The following TFG variants were observed in gnomAD, a reference collection of about 807,000 sequenced individuals.
The protein encoded by TFG is protein TFG.
A neutral mutation model predicts 51.4 loss-of-function variants in TFG; 22 were observed. The ratio of observed to expected loss-of-function variants is 0.43; its 90% CI spans 0.31 to 0.61. The LOEUF (loss-of-function observed/expected upper bound fraction) is 0.61. Ranked by LOEUF, TFG falls within the 20% of genes least tolerant of loss-of-function variation. The probability of loss-of-function intolerance (pLI) is 0.12; values close to 1 mark genes in which losing one functional copy is unlikely to be tolerated. For synonymous variants in TFG, 187 were observed against 165.6 expected (o/e 1.13, Z -0.99); for missense variants, 419 against 487.7 (o/e 0.86, Z 1.33).
chr3:100,747,205 T>C (rs1267221304), intron 7 of TFG, among the ~76,000 whole-genome samples: 2 of 152,188 alleles, frequency 1.3e-5, no homozygotes, highest in Admixed American at 1.3e-4. Flanking sequence ...GGACCATCTT[T>C]GACACTGTTG....
intron 6 of TFG, among the ~76,000 whole-genome samples, chr3:100,741,225 G>A (rs993607689): frequency 2.6e-5 from 4 of 152,138 alleles, no homozygotes; most frequent in East Asian, 3.9e-4. Flanking sequence ...AAGGTATTCC[G>A]GAAGAAGGCA....
intron 3 of TFG, among the ~76,000 whole-genome samples, chr3:100,723,296 GA>G (rs1559710371): frequency 6.6e-6 from 1 of 151,886 alleles, no homozygotes; most frequent in Non-Finnish European, 1.5e-5. Context: ...AGTTATAATT[GA>G]AAAATTAGAC....
Position 100,748,319 on chromosome 3 carries a change from G to C in TFG, c.991G>C (p.Ala331Pro). 6.2e-7 allele frequency: 1 copy of C among 1,613,938 alleles called. No homozygotes were observed. Among genetic ancestry groups the C allele is most frequent in the African/African-American group, 1.3e-5 (1 of 74,962 alleles). Residue 331 changes from alanine (A) to proline (P), a missense_variant, in exon 8 of 8, where the codon GCC becomes CCC. Ala to Pro is a conservative substitution (Grantham distance 27). Around this residue, in one of 3 missense-constraint regions of TFG, gnomAD observed 391 missense variants for 434.4 expected, o/e 0.90. Coordinates refer to ENST00000240851, the MANE Select transcript of TFG (RefSeq NM_006070.6). ...ASNYPAQTYT[A>P]QTSQPTNYTV... ...CAATTATCCTGCACAAACTTACACT[G>C]CCCAAACTTCTCAGCCTACTAATTA...
intron 3 of TFG, among the ~76,000 whole-genome samples, chr3:100,728,289 A>C (rs1028552061): frequency 1.3e-4 from 20 of 151,918 alleles, no homozygotes; most frequent in African/African-American, 4.8e-4. Context: ...TATTTTAAGA[A>C]TAGCGTGAAA....
At chr3:100,738,325 G>T (rs577918435) in intron 6 of TFG, among the ~76,000 whole-genome samples, 1 of 152,206 alleles carries the variant, frequency 6.6e-6, no homozygotes, top group Non-Finnish European at 1.5e-5. Context: ...GGTATGATGA[G>T]AGTTTAATGC....
chr3:100,721,624 T>C (rs2095061010), intron 3 of TFG, among the ~76,000 whole-genome samples: 3 of 152,150 alleles, frequency 2.0e-5, no homozygotes. Flanking sequence ...AGCCCAGATG[T>C]TACCATTTTA....
chr3:100,714,325 C>T (rs2095039553), intron 2 of TFG, among the ~76,000 whole-genome samples: 1 of 152,044 alleles, frequency 6.6e-6, no homozygotes, highest in African/African-American at 2.4e-5. Flanking sequence ...CATGGCGAAA[C>T]CCTGTCTCTA....
At chr3:100,730,459 A>G (rs901528320) in intron 4 of TFG, among the ~76,000 whole-genome samples, 1 of 152,172 alleles carries the variant, frequency 6.6e-6, no homozygotes, top group Non-Finnish European at 1.5e-5. Flanking sequence ...GCCATTTTCT[A>G]GTTATTGTGT....
chr3:100,732,267 AAAT>A (rs1197926204), intron 4 of TFG, among the ~76,000 whole-genome samples: 13 of 152,272 alleles, frequency 8.5e-5, no homozygotes, highest in African/African-American at 3.1e-4. Context: ...AAAAGGAGGT[AAAT>A]AATTTTTTTG....
intron 4 of TFG, among the ~76,000 whole-genome samples, chr3:100,729,391 T>C (rs1475904869): frequency 1.3e-5 from 2 of 152,146 alleles, no homozygotes; most frequent in Non-Finnish European, 2.9e-5. Context: ...TTTTCCCCAT[T>C]GTATAATGAC....
Position 100,736,653 on chromosome 3 carries a change from C to G in TFG, c.658C>G (p.Pro220Ala). 1.2e-6 allele frequency: 2 copies of G among 1,613,960 alleles called. No individual in the cohort carries two copies. The highest frequency in any genetic ancestry group is 1.3e-5 in the African/African-American group (1 of 75,002). ...IASSSSAAHP[P>A]GVQPQQPPYT... ...TTCCTCCTCCTCAGCAGCTCACCCA[C>G]CAGGCGTTCAGCCACAGCAGCCACC... Residue 220 changes from proline to alanine, a missense_variant, in exon 6 of 8, where the codon CCA becomes GCA. Physicochemically the swap from Pro to Ala is conservative, Grantham distance 27 (BLOSUM62 -1). Transcript: ENST00000240851.
intron 3 of TFG, among the ~76,000 whole-genome samples, chr3:100,722,099 C>T (rs773141921): frequency 2.0e-5 from 3 of 152,046 alleles, no homozygotes; most frequent in South Asian, 2.1e-4. Context: ...TGCAGTGAGT[C>T]GAGATCGCGC....
At chr3:100,709,353 G>A (rs1243696263), upstream of TFG, 1 of 152,398 alleles carries the variant, frequency 6.6e-6, no homozygotes, top group East Asian at 1.9e-4. Context: ...GTCATCCAGT[G>A]AGAAAGCAGG....
At chr3:100,710,563 CCT>C (rs1382941278) in intron 1 of TFG, among the ~76,000 whole-genome samples, 1 of 152,204 alleles carries the variant, frequency 6.6e-6, no homozygotes, top group African/African-American at 2.4e-5. Flanking sequence ...TAAGCCACAG[CCT>C]CTGAAATTGA....
At chr3:100,727,059 GT>G (rs2095077945) in intron 3 of TFG, among the ~76,000 whole-genome samples, 1 of 152,168 alleles carries the variant, frequency 6.6e-6, no homozygotes, top group Non-Finnish European at 1.5e-5. Flanking sequence ...CAGTGTTCTT[GT>G]TTTTGTCTGG....
chr3:100,730,095 A>G (rs767236753), intron 4 of TFG, among the ~76,000 whole-genome samples: 30 of 152,334 alleles, frequency 2.0e-4, no homozygotes, highest in Middle Eastern at 3.4e-3. Flanking sequence ...AAAGTTAGAC[A>G]ATTTTTCCAG....
chr3:100,742,750 C>G (rs1022395719), intron 6 of TFG: 3 of 151,952 alleles, frequency 2.0e-5, no homozygotes. Flanking sequence ...AGTGTTTTAA[C>G]GAAACAATGT....
At chr3:100,734,971 T>C (rs2095102542) in intron 5 of TFG, among the ~76,000 whole-genome samples, 1 of 152,158 alleles carries the variant, frequency 6.6e-6, no homozygotes, top group Non-Finnish European at 1.5e-5. Flanking sequence ...ATAATGAATG[T>C]GGCAGTGGGA....
At position 100,734,043 on chromosome 3, in the gene TFG, A is replaced by G. The variant is rs143795364; in HGVS notation, c.580+1371A>G. 2.6e-5 allele frequency among the ~76,000 whole-genome samples: 4 copies of G among 151,158 alleles called. No homozygotes were observed. In the East Asian group the frequency reaches 5.8e-4, roughly 22 times the overall value. On this transcript the variant is annotated intron_variant, in intron 5 of 7. Coordinates refer to ENST00000240851, the MANE Select transcript of TFG (RefSeq NM_006070.6). The stretch of plus-strand genomic sequence containing the variant: ...GCAGTTTCTGGGCAGATGTCCTCAC[A>G]GTCACAGAAGTTTTTTTTTTTGCTT...
Sources: gnomAD v4.1 joint callset for allele counts (sites outside exome capture counted in the v4.1 genomes callset) on GRCh38, gnomAD v4.1.1 for gene constraint, gnomAD v4.1.1 regional missense constraint, MANE v1.5 for transcripts, NCBI Gene and HGNC (gene_info 2026-07-23, HGNC 2026-07-21) for gene names.